NGEF: variants seen among roughly 807,000 people sequenced by gnomAD.
NGEF encodes the protein neuronal guanine nucleotide exchange factor.
NGEF carries 31 observed loss-of-function variants against 80.9 expected under a neutral mutation model. The ratio of observed to expected loss-of-function variants is 0.38; its 90% CI spans 0.29 to 0.52. The LOEUF (loss-of-function observed/expected upper bound fraction) is 0.52, where lower values mean the gene tolerates loss of function less well. Ranked by LOEUF, NGEF falls within the 20% of genes least tolerant of loss-of-function variation. NGEF has a pLI of 0.84. For missense variants in NGEF, 709 were observed against 926.2 expected, an observed-to-expected ratio of 0.77 and a Z score of 3.04; for synonymous variants, 371 against 370.2, an observed-to-expected ratio of 1.00 and a Z score of -0.03.
At chr2:232,993,173 T>TA (rs1559238341) in intron 1 of NGEF, among the ~76,000 whole-genome samples, 1 of 134,054 alleles carries the variant, frequency 7.5e-6, no homozygotes, top group Non-Finnish European at 1.5e-5. Context: ...ATATTATATA[T>TA]ATAAATAAAT....
At chr2:232,969,973 T>A (rs1574644656) in intron 3 of NGEF, 1 of 234,956 alleles carries the variant, frequency 4.3e-6, no homozygotes, top group African/African-American at 2.3e-5. Context: ...GAGGCCAGCC[T>A]GGGTAACATA....
At chr2:232,982,353 A>T (rs2106328567) in intron 1 of NGEF, among the ~76,000 whole-genome samples, 1 of 152,256 alleles carries the variant, frequency 6.6e-6, no homozygotes, top group South Asian at 2.1e-4. Flanking sequence ...TGAACCTACC[A>T]TCAAGGGGGC....
rs548889346 is a variant in NGEF, at chr2:232,922,199, G to A, written c.527-1614C>T. Among the ~76,000 whole-genome samples the A allele has an allele frequency of 7.2e-5, 11 of 152,304 alleles. No individual in the cohort carries two copies. In the South Asian group the frequency reaches 2.3e-3, roughly 32 times the overall value. On this transcript the variant is annotated intron_variant, in intron 4 of 14. Coordinates refer to ENST00000264051, the MANE Select transcript of NGEF (RefSeq NM_019850.3). ...CTCTTACAACGCAGTACAACTGTTA[G>A]CTATTATTCCTTCTTTATCTAATTG...
At chr2:232,993,148 TGGG>T (rs1694690742) in intron 1 of NGEF, among the ~76,000 whole-genome samples, 1 of 112,350 alleles carries the variant, frequency 8.9e-6, no homozygotes, top group Admixed American at 9.8e-5. Flanking sequence ...TATATATATA[TGGG>T]CAAATATATA....
intron 5 of NGEF, among the ~76,000 whole-genome samples, chr2:232,900,991 C>T (rs1692336875): frequency 6.6e-6 from 1 of 152,240 alleles, no homozygotes; most frequent in African/African-American, 2.4e-5. Context: ...CTACACCACC[C>T]TGTTCAAGTC....
intron 3 of NGEF, chr2:232,928,069 G>A (rs1042111252): frequency 3.1e-5 from 35 of 1,144,652 alleles, no homozygotes; most frequent in East Asian, 8.5e-5. Context: ...TGGGTCGGGG[G>A]CGACTAGCGG....
In NGEF at chr2:233,006,906, TA is replaced by T. The variant is rs1334840502; in HGVS notation, c.-75+6161del. Among the ~76,000 whole-genome samples, 7 of 152,138 alleles carry T rather than the reference TA, an allele frequency of 4.6e-5. No homozygotes were observed. The South Asian group carries it at 1.5e-3, about 32-fold the overall frequency. On this transcript the variant is annotated intron_variant, in intron 1 of 14. Coordinates refer to ENST00000264051, the MANE Select transcript of NGEF (RefSeq NM_019850.3). Reference sequence around the variant, plus strand: ...GGCAGCCCAGCTCCAGCAAAGTGCTTAAAAACATGATTTCTAAACTGTTTCT... The same window carrying T: ...GGCAGCCCAGCTCCAGCAAAGTGCTTAAAACATGATTTCTAAACTGTTTCT...
rs762071434 is a variant in NGEF, at chr2:232,894,725, T to TGAGG, written c.989+27_989+30dup. The TGAGG allele has an allele frequency of 2.7e-5, 41 of 1,530,316 alleles. 2 individuals are homozygous for TGAGG. The highest frequency in any genetic ancestry group is 2.9e-5 in the Non-Finnish European group (33 of 1,121,406). The allele number at this position is 1,530,316 out of a possible 1,614,324, so 94.8% of individuals were successfully genotyped here. On this transcript the variant is annotated intron_variant, in intron 6 of 14. Coordinates refer to ENST00000264051, the MANE Select transcript of NGEF (RefSeq NM_019850.3). ...GTGCCCTGGGGATGAAGAAGGGCCC[T>TGAGG]GAGGGAGGTGGCTGTCCCCCCCGTC...
rs777714635 is a variant in NGEF at position 232,879,483 on chromosome 2, T to G, written c.*6A>C. The G allele has an allele frequency of 1.4e-5, 20 of 1,480,292 alleles. No individual in the cohort carries two copies. The highest frequency in any genetic ancestry group is 1.9e-4 in the Middle Eastern group (1 of 5,318). The allele number at this position is 1,480,292 out of a possible 1,614,324, so 91.7% of individuals were successfully genotyped here. On this transcript the variant is annotated 3_prime_UTR_variant, in exon 15 of 15. Transcript: ENST00000264051. ...GCCCTGCTCCCGCTGGCCCCCTGGG[T>G]GGGGGTCATTGCCGATTCCGGCTGC... is the stretch of plus-strand genomic sequence containing the variant.
rs146404894 is a variant in NGEF, at chr2:232,925,907, G to T, written c.526+1137C>A. On this transcript the variant is annotated intron_variant, in intron 4 of 14. Transcript: ENST00000264051. The stretch of plus-strand genomic sequence containing the variant: ...CACCACCCAGCCTGACACGTGGAGG[G>T]GGCCCACTGGGAACAAAATTCCGGA... Among the ~76,000 whole-genome samples, 963 of 152,206 alleles carry T rather than the reference G, an allele frequency of 6.3e-3. 21 individuals carry two copies. Among genetic ancestry groups the T allele is most frequent in the Admixed American group, 0.042 (640 of 15,288 alleles).
At chr2:232,990,337 T>C (rs1002998488) in intron 1 of NGEF, among the ~76,000 whole-genome samples, 2 of 152,110 alleles carry the variant, frequency 1.3e-5, no homozygotes, top group African/African-American at 2.4e-5. Context: ...AAACAACCTA[T>C]ATAAAGGAAC....
chr2:232,988,036 C>CGTGTGTGTGTGTGTGTGTGT (rs57143286), intron 1 of NGEF, among the ~76,000 whole-genome samples: 1 of 140,266 alleles, frequency 7.1e-6, no homozygotes, highest in Non-Finnish European at 1.6e-5. Flanking sequence ...GGGATGGTCT[C>CGTGTGTGTGTGTGTGTGTGT]GTGTGTGTGT....
chr2:232,950,003 G>A lies in NGEF; in HGVS notation c.383+20211C>T, dbSNP rs186434961. 4.9e-4 allele frequency among the ~76,000 whole-genome samples: 75 copies of A among 151,994 alleles called. 1 individual carries two copies. In the East Asian group the frequency reaches 0.014, roughly 28 times the overall value. On this transcript the variant is annotated intron_variant, in intron 3 of 14. Transcript: ENST00000264051. Reference sequence around the variant, plus strand: ...ATTTCTGTATTTTTAGCAGATACAGGGTTTCACCATGTTGGCCAGGCTGGT... The same window carrying A: ...ATTTCTGTATTTTTAGCAGATACAGAGTTTCACCATGTTGGCCAGGCTGGT...
chr2:233,003,203 G>A (rs927272336), intron 1 of NGEF, among the ~76,000 whole-genome samples: 10 of 152,184 alleles, frequency 6.6e-5, no homozygotes, highest in Admixed American at 3.9e-4. Context: ...CAGCTCTGGC[G>A]AGTGTTTGGG....
At chr2:232,918,612 T>C in intron 5 of NGEF, among the ~76,000 whole-genome samples, 1 of 150,922 alleles carries the variant, frequency 6.6e-6, no homozygotes, top group Non-Finnish European at 1.5e-5. Flanking sequence ...TAGGTTCTAC[T>C]AGGATTTATT....
rs116127194 is a variant in NGEF, at chr2:232,996,143, C to A, written c.-75+16925G>T. Among the ~76,000 whole-genome samples, 843 of 152,168 alleles carry A rather than the reference C, an allele frequency of 5.5e-3. 8 individuals are homozygous for A. Among genetic ancestry groups the A allele is most frequent in the African/African-American group, 0.019 (804 of 41,494 alleles). On this transcript the variant is annotated intron_variant, in intron 1 of 14. Coordinates refer to ENST00000264051, the MANE Select transcript of NGEF (RefSeq NM_019850.3). The stretch of plus-strand genomic sequence containing the variant: ...AACTGACCAATTCCAGCCTGGCCAA[C>A]GTGGCAAAACCCCATCTTTACTAAA...
intron 5 of NGEF, among the ~76,000 whole-genome samples, chr2:232,910,132 G>T (rs1237854386): frequency 2.6e-5 from 4 of 152,058 alleles, no homozygotes; most frequent in African/African-American, 7.3e-5. Context: ...GGGGAGGGTT[G>T]CATCTAGTGG....
chr2:233,001,468 C>G (rs1373462986), intron 1 of NGEF, among the ~76,000 whole-genome samples: 1 of 152,094 alleles, frequency 6.6e-6, no homozygotes, highest in Non-Finnish European at 1.5e-5. Flanking sequence ...GATGTGAGCC[C>G]AGGAGTGGGC....
chr2:232,903,879 T>C (rs1274382103), intron 5 of NGEF, among the ~76,000 whole-genome samples: 3 of 152,212 alleles, frequency 2.0e-5, no homozygotes, highest in Admixed American at 6.5e-5. Context: ...CTTTCTAAAA[T>C]GCACAATTTT....
Sources: allele counts gnomAD v4.1 joint callset (sites outside exome capture counted in the v4.1 genomes callset), GRCh38; gene constraint gnomAD v4.1.1; transcripts MANE v1.5; gene names NCBI Gene and HGNC (gene_info 2026-07-23, HGNC 2026-07-21).